The following SLC9B2 variants were observed in gnomAD, a reference collection of about 807,000 sequenced individuals.
SLC9B2 encodes the protein solute carrier family 9 member B2, also known as sodium/hydrogen exchanger 9B2.
Under a neutral mutation model 52.2 loss-of-function variants are expected in SLC9B2, and 39 were observed. The observed-to-expected ratio is 0.75, with a 90% CI of 0.58 to 0.98. The LOEUF (loss-of-function observed/expected upper bound fraction) is 0.98, where lower values mean the gene tolerates loss of function less well. Among genes scored for constraint, SLC9B2 ranks in the 50% least tolerant of loss-of-function variants. The probability of loss-of-function intolerance (pLI) is 0.00; values close to 1 mark genes in which losing one functional copy is unlikely to be tolerated. For synonymous variants in SLC9B2, 214 were observed against 227.0 expected (o/e 0.94, Z 0.51); for missense variants, 626 against 637.5 (o/e 0.98, Z 0.19).
intron 3 of SLC9B2, among the ~76,000 whole-genome samples, chr4:103,064,928 G>A (rs900315775): frequency 5.9e-5 from 9 of 152,010 alleles, no homozygotes; most frequent in Admixed American, 1.3e-4. Flanking sequence ...AAAGTTGGCC[G>A]GTTAAAACTA....
chr4:103,076,019 C>G (rs1747105720), intron 1 of SLC9B2, among the ~76,000 whole-genome samples, 165 bp downstream of exon 1: 1 of 152,218 alleles, frequency 6.6e-6, no homozygotes, highest in Admixed American at 6.5e-5. Flanking sequence ...AGCAAGAAAA[C>G]CCACGCCAAC....
rs937817961 is a variant in SLC9B2 at position 103,033,248 on chromosome 4, T to C, written c.1147-1440A>G. Among the ~76,000 whole-genome samples, 5 of 151,850 alleles carry C rather than the reference T, an allele frequency of 3.3e-5. No homozygotes were observed. The East Asian group carries it at 5.8e-4, about 18-fold the overall frequency. ...ACCATGTGTAACAGAATAAGAAACA[T>C]TGGCCAATCAATAAAAAAAAGACAT... On this transcript the variant is annotated intron_variant, in intron 9 of 11. Coordinates refer to ENST00000394785, the MANE Select transcript of SLC9B2 (RefSeq NM_178833.7).
intron 11 of SLC9B2, among the ~76,000 whole-genome samples, chr4:103,026,849 A>T (rs527247097): frequency 4.9e-4 from 75 of 151,762 alleles, no homozygotes; most frequent in Non-Finnish European, 9.3e-4. Context: ...ATAATAAAAT[A>T]AAAAAAAAGA....
At chr4:103,067,340 T>C (rs1380376326) in intron 2 of SLC9B2, 121 bp downstream of exon 2, 8 of 797,264 alleles carry the variant, frequency 1.0e-5, no homozygotes, top group Non-Finnish European at 1.5e-5. Context: ...CTGGCAATGA[T>C]GTTAGCTGGG....
At chr4:103,046,820 C>T (rs981515036) in intron 7 of SLC9B2, among the ~76,000 whole-genome samples, 4 of 151,994 alleles carry the variant, frequency 2.6e-5, no homozygotes, top group Non-Finnish European at 5.9e-5. Flanking sequence ...TACCTTCTAC[C>T]GCCCCTGCCG....
At chr4:103,026,885 T>C (rs1235449967) in intron 11 of SLC9B2, among the ~76,000 whole-genome samples, 2 of 152,154 alleles carry the variant, frequency 1.3e-5, no homozygotes, top group Admixed American at 6.5e-5. Flanking sequence ...TCTTTCAAAG[T>C]GTATTGCAGG....
At chr4:103,026,751 T>C (rs1319006177) in intron 11 of SLC9B2, among the ~76,000 whole-genome samples, 160 bp from the exon 12 acceptor site, 1 of 152,184 alleles carries the variant, frequency 6.6e-6, no homozygotes. Flanking sequence ...GACGAGTTAA[T>C]GGGTGCAGCA....
At chr4:103,022,134 C>A (rs947141752), downstream of SLC9B2, among the ~76,000 whole-genome samples, 2 of 152,180 alleles carry the variant, frequency 1.3e-5, no homozygotes, top group Non-Finnish European at 2.9e-5. Context: ...GAAAACCAAG[C>A]CCTTGAATAT....
chr4:103,058,824 G>T (rs572146786), intron 3 of SLC9B2, among the ~76,000 whole-genome samples: 1 of 152,266 alleles, frequency 6.6e-6, no homozygotes, highest in African/African-American at 2.4e-5. Context: ...CACTTTAGGA[G>T]GTCAAGGCAG....
intron 4 of SLC9B2, among the ~76,000 whole-genome samples, chr4:103,054,361 G>T (rs1270956531): frequency 6.6e-6 from 1 of 152,176 alleles, no homozygotes; most frequent in African/African-American, 2.4e-5. Flanking sequence ...CATAAAATGC[G>T]ATCTTAGAGC....
rs796724077 is a variant in SLC9B2, at chr4:103,065,171, TAC to T, written c.271+1154_271+1155del. On this transcript the variant is annotated intron_variant, in intron 3 of 11. Transcript: ENST00000394785. ...CTGAAGATCCATGAAAAAAAAAATG[TAC>T]ACACACGCACACACACACACACACA... 1.6e-3 allele frequency among the ~76,000 whole-genome samples: 168 copies of T among 104,236 alleles called. 1 individual carries two copies. Among genetic ancestry groups the T allele is most frequent in the African/African-American group, 6.8e-3 (163 of 24,006 alleles). The allele number at this position is 104,236 out of a possible 152,430, so 68.4% of individuals were successfully genotyped here.
chr4:103,067,392 G>T, intron 2 of SLC9B2, 69 bp downstream of exon 2: 1 of 1,399,096 alleles, frequency 7.1e-7, no homozygotes. Context: ...GTAAGTTTGG[G>T]GATAGGAGAA....
intron 7 of SLC9B2, among the ~76,000 whole-genome samples, chr4:103,046,543 T>C (rs1744138765): frequency 6.6e-6 from 1 of 152,154 alleles, no homozygotes; most frequent in Non-Finnish European, 1.5e-5. Flanking sequence ...TTATTACCCA[T>C]AAAAAGCTGA....
downstream of SLC9B2, chr4:103,019,638 C>T: frequency 4.1e-6 from 4 of 985,432 alleles, no homozygotes; most frequent in Non-Finnish European, 4.8e-6. Context: ...CCGGGAGCGG[C>T]CCAGGAGCCC....
At chr4:103,053,737 T>A (rs1407702181) in intron 4 of SLC9B2, among the ~76,000 whole-genome samples, 3 of 151,846 alleles carry the variant, frequency 2.0e-5, no homozygotes, top group Non-Finnish European at 4.4e-5. Flanking sequence ...CGAGTCTCGC[T>A]CTGTCACCAG....
intron 6 of SLC9B2, 84 bp from the exon 7 acceptor site, chr4:103,047,310 G>T (rs932621119): frequency 3.5e-6 from 4 of 1,132,872 alleles, no homozygotes; most frequent in East Asian, 2.8e-5. Flanking sequence ...CTTTTTAGGG[G>T]TTATACTTGG....
chr4:103,050,419 CA>C (rs780073370), intron 4 of SLC9B2, 37 bp from the exon 5 acceptor site: 6 of 1,517,000 alleles, frequency 4.0e-6, no homozygotes, highest in Non-Finnish European at 5.3e-6. Flanking sequence ...AGTTAGTTTT[CA>C]AATACAGAAA....
At chr4:103,043,161 A>T (rs1275993701) in intron 9 of SLC9B2, 135 bp downstream of exon 9, 2 of 885,702 alleles carry the variant, frequency 2.3e-6, no homozygotes, top group Admixed American at 3.5e-5. Flanking sequence ...CACTGGGTGT[A>T]CATTTGTATA....
intron 10 of SLC9B2, among the ~76,000 whole-genome samples, chr4:103,030,966 G>T (rs1481869653): frequency 6.6e-6 from 1 of 152,080 alleles, no homozygotes; most frequent in Admixed American, 6.6e-5. Flanking sequence ...TTAGCATAAT[G>T]TTCTCAAGGT....
Sources: allele counts gnomAD v4.1 joint callset (sites outside exome capture counted in the v4.1 genomes callset), GRCh38; gene constraint gnomAD v4.1.1; transcripts MANE v1.5; gene names NCBI Gene and HGNC (gene_info 2026-07-23, HGNC 2026-07-21).